The following TTL variants were observed in gnomAD, a reference collection of about 807,000 sequenced individuals.
TTL encodes tubulin tyrosine ligase.
Under a neutral mutation model 41.1 loss-of-function variants are expected in TTL, and 10 were observed. The ratio of observed to expected loss-of-function variants is 0.24; its 90% CI spans 0.15 to 0.41. The LOEUF is 0.41. TTL is among the 10% of genes least tolerant of loss of function. The pLI is 1.00. For missense variants in TTL, 367 were observed against 460.4 expected, an observed-to-expected ratio of 0.80 and a Z score of 1.86; for synonymous variants, 175 against 175.5, an observed-to-expected ratio of 1.00 and a Z score of 0.02.
At chr2:112,486,353 C>T (rs1407257679) in intron 2 of TTL, among the ~76,000 whole-genome samples, 1 of 152,202 alleles carries the variant, frequency 6.6e-6, no homozygotes, top group Non-Finnish European at 1.5e-5. Flanking sequence ...CTCCAAGGAG[C>T]ACCAGAGTGA....
rs1221904069 is a variant in TTL at position 112,529,071 on chromosome 2, C to T, written c.*276C>T. On this transcript the variant is annotated 3_prime_UTR_variant, in exon 7 of 7. Coordinates refer to ENST00000233336, the MANE Select transcript of TTL (RefSeq NM_153712.5). ...TTGTGAGCAGAGCTCCTTCCCCTCT[C>T]CCCGGGAACGGCAGGGCACTGGGAC... The T allele has an allele frequency of 6.1e-6, 3 of 488,540 alleles. No homozygotes were observed. Among genetic ancestry groups the T allele is most frequent in the African/African-American group, 1.9e-5 (1 of 52,076 alleles). The allele number at this position is 488,540 out of a possible 1,614,324, so 30.3% of individuals were successfully genotyped here. A position where few individuals can be genotyped will look rare whatever the true frequency, so the allele number is the denominator to read the frequency against.
chr2:112,496,055 CTT>C (rs1158636107), intron 3 of TTL, among the ~76,000 whole-genome samples: 2 of 152,154 alleles, frequency 1.3e-5, no homozygotes, highest in Non-Finnish European at 2.9e-5. Flanking sequence ...TCTCTCCCCT[CTT>C]GTGACCTTTT....
rs1221521675 is a variant in TTL, at chr2:112,529,807, T to G, written c.*1012T>G. On this transcript the variant is annotated 3_prime_UTR_variant, in exon 7 of 7. Coordinates refer to ENST00000233336, the MANE Select transcript of TTL (RefSeq NM_153712.5). Reference sequence around the variant, plus strand: ...GGTTTCCTTCCAGGAAGGATTCGAGTTCCTGTGCCTGTGGGTATTAGGAGA... The same window carrying G: ...GGTTTCCTTCCAGGAAGGATTCGAGGTCCTGTGCCTGTGGGTATTAGGAGA... The G allele has an allele frequency of 9.0e-6, 2 of 221,012 alleles. No homozygotes were observed. Among genetic ancestry groups the G allele is most frequent in the East Asian group, 1.3e-4 (2 of 15,044 alleles). 13.7% of individuals were successfully genotyped at this position (221,012 alleles called of 1,614,324 possible).
intron 6 of TTL, among the ~76,000 whole-genome samples, chr2:112,522,795 G>T (rs980880439): frequency 6.6e-6 from 1 of 152,042 alleles, no homozygotes; most frequent in African/African-American, 2.4e-5. Flanking sequence ...TGCCCATCAG[G>T]GCCCTGTGGG....
At chr2:112,488,387 A>T (rs1040279866) in intron 2 of TTL, among the ~76,000 whole-genome samples, 2 of 152,226 alleles carry the variant, frequency 1.3e-5, no homozygotes, top group African/African-American at 4.8e-5. Flanking sequence ...ACAGACCAGC[A>T]CTGTCCAACA....
chr2:112,492,108 C>T (rs1459589310), intron 2 of TTL, among the ~76,000 whole-genome samples: 1 of 152,126 alleles, frequency 6.6e-6, no homozygotes, highest in African/African-American at 2.4e-5. Context: ...ATCACTTGAT[C>T]TGAATCAATC....
At chr2:112,490,546 G>A (rs1160893968) in intron 2 of TTL, among the ~76,000 whole-genome samples, 1 of 147,770 alleles carries the variant, frequency 6.8e-6, no homozygotes, top group Non-Finnish European at 1.5e-5. Flanking sequence ...GGAAACATTA[G>A]TCTACTAAAA....
chr2:112,482,610 C>A lies in TTL; in HGVS notation c.157+109C>A. On this transcript the variant is annotated intron_variant, in intron 1 of 6. Coordinates refer to ENST00000233336, the MANE Select transcript of TTL (RefSeq NM_153712.5). The surrounding 1 kb of genome is among the most constrained non-coding windows in gnomAD (Gnocchi z 5.3). ...TTTTAAAGGTCATACATTTTCTCCTCTGTCGCTTGTCGGGCACATCAGAAA... is the reference window on the plus strand; with the variant it reads ...TTTTAAAGGTCATACATTTTCTCCTATGTCGCTTGTCGGGCACATCAGAAA... 8.2e-7 allele frequency: 1 copy of A among 1,220,960 alleles called. No individual in the cohort carries two copies. Among genetic ancestry groups the A allele is most frequent in the Non-Finnish European group, 1.1e-6 (1 of 910,912 alleles). 75.6% of individuals were successfully genotyped at this position (1,220,960 alleles called of 1,614,324 possible). A position where few individuals can be genotyped will look rare whatever the true frequency, so the allele number is the denominator to read the frequency against.
intron 5 of TTL, among the ~76,000 whole-genome samples, chr2:112,514,262 G>A (rs1221588557): frequency 6.6e-6 from 1 of 151,900 alleles, no homozygotes; most frequent in Non-Finnish European, 1.5e-5. Context: ...CACACCTGTG[G>A]TCGCAGCTAC....
At position 112,528,722 on chromosome 2, in the gene TTL, C is replaced by G; in HGVS notation, c.1061C>G (p.Ala354Gly). 2 of 1,614,156 alleles carry G rather than the reference C, an allele frequency of 1.2e-6. No individual in the cohort carries two copies. Among genetic ancestry groups the G allele is most frequent in the Non-Finnish European group, 1.7e-6 (2 of 1,180,036 alleles). Residue 354 changes from alanine (A) to glycine (G), a missense_variant, in exon 7 of 7, where the codon GCC becomes GGC. Transcript: ENST00000233336. ...AELCQGIVDI[A>G]ISSVFPPPDV... is the part of the protein sequence containing the mutation. ...CTGTGCCAAGGCATCGTGGACATAG[C>G]CATTTCCAGTGTCTTCCCACCCCCA...
intron 2 of TTL, among the ~76,000 whole-genome samples, chr2:112,491,823 A>C (rs1681397370): frequency 6.6e-6 from 1 of 152,196 alleles, no homozygotes; most frequent in African/African-American, 2.4e-5. Flanking sequence ...AGCCTATTGC[A>C]GTCACCATTT....
chr2:112,493,212 G>A (rs188847618), intron 2 of TTL, among the ~76,000 whole-genome samples: 213 of 152,322 alleles, frequency 1.4e-3, no homozygotes, highest in African/African-American at 4.9e-3. Context: ...GGCATGAACA[G>A]TTCTGTTCTA....
chr2:112,496,019 C>G (rs1251576014), intron 3 of TTL, among the ~76,000 whole-genome samples: 1 of 152,194 alleles, frequency 6.6e-6, no homozygotes, highest in Non-Finnish European at 1.5e-5. Flanking sequence ...GGACTCTTGC[C>G]ACAAGTCAGG....
intron 5 of TTL, among the ~76,000 whole-genome samples, chr2:112,511,940 G>T (rs1574066005): frequency 6.6e-6 from 1 of 151,702 alleles, no homozygotes; most frequent in East Asian, 1.9e-4. Flanking sequence ...TGTTTCCATG[G>T]TATGTCTCCA....
At chr2:112,509,288 C>T (rs1036251577) in intron 5 of TTL, among the ~76,000 whole-genome samples, 17 of 149,934 alleles carry the variant, frequency 1.1e-4, no homozygotes, top group East Asian at 2.0e-4. Context: ...GCCCTGCCCC[C>T]AGAGGTGGAG....
At position 112,532,087 on chromosome 2, in the gene TTL, C is replaced by T. The variant is rs1574076813; in HGVS notation, c.*3292C>T. The T allele has an allele frequency of 4.4e-6, 1 of 227,306 alleles. No homozygotes were observed. Among genetic ancestry groups the T allele is most frequent in the African/African-American group, 2.2e-5 (1 of 44,996 alleles). The allele number at this position is 227,306 out of a possible 1,614,324, so 14.1% of individuals were successfully genotyped here. ...CACTAGCTCTGTGGGATGATTGCCA[C>T]ATACATGGAACACCTGGGAGTGCTG... On this transcript the variant is annotated 3_prime_UTR_variant, in exon 7 of 7. Transcript: ENST00000233336.
At chr2:112,521,616 T>C (rs1290312863) in intron 6 of TTL, among the ~76,000 whole-genome samples, 1 of 152,230 alleles carries the variant, frequency 6.6e-6, no homozygotes, top group Non-Finnish European at 1.5e-5. Context: ...CATGATTGCA[T>C]GATTCCATCT....
Position 112,482,268 on chromosome 2 carries a change from G to T in TTL, c.-77G>T. The T allele has an allele frequency of 2.0e-6, 2 of 1,009,888 alleles. No individual in the cohort carries two copies. Among genetic ancestry groups the T allele is most frequent in the African/African-American group, 1.8e-5 (1 of 57,012 alleles). The allele number at this position is 1,009,888 out of a possible 1,614,324, so 62.6% of individuals were successfully genotyped here. ...GGGCCGCGGCGGGCGCCCGGGCGGG[G>T]TCCGCGCTGAGCCGCCTTCTCGGCC... On this transcript the variant is annotated 5_prime_UTR_variant, in exon 1 of 7. Coordinates refer to ENST00000233336, the MANE Select transcript of TTL (RefSeq NM_153712.5). The surrounding 1 kb of genome is among the most constrained non-coding windows in gnomAD (Gnocchi z 5.3).
chr2:112,528,690 T>A lies in TTL; in HGVS notation c.1029T>A (p.Tyr343Ter). Residue 343 changes from tyrosine to a stop codon, truncating the protein, a stop_gained, in exon 7 of 7, where the codon TAT becomes TAA. Coordinates refer to ENST00000233336, the MANE Select transcript of TTL (RefSeq NM_153712.5). LOFTEE classifies it high-confidence loss of function. ...NGAPACAQKL[Y>*]AELCQGIVDI... ...TAAAAACACATTTCAGGAAGCTCTA[T>A]GCAGAACTGTGCCAAGGCATCGTGG... 1 of 1,613,888 alleles carries A rather than the reference T, an allele frequency of 6.2e-7. No homozygotes were observed. The highest frequency in any genetic ancestry group is 1.1e-5 in the South Asian group (1 of 91,082).
Sources: gnomAD v4.1 joint callset for allele counts (sites outside exome capture counted in the v4.1 genomes callset) on GRCh38, gnomAD v4.1.1 for gene constraint, Gnocchi (gnomAD v3.1) non-coding constraint, MANE v1.5 for transcripts, NCBI Gene and HGNC (gene_info 2026-07-23, HGNC 2026-07-21) for gene names.